Variants in NLN observed in about 807,000 individuals in gnomAD.
The protein encoded by NLN is neurolysin.
In NLN, 64 loss-of-function variants were observed where a neutral mutation model predicts 79.9. The ratio of observed to expected loss-of-function variants is 0.80; its 90% CI spans 0.65 to 0.99. NLN has a LOEUF of 0.99. NLN is among the 50% of genes least tolerant of loss of function. The probability of loss-of-function intolerance (pLI) is 0.00; values close to 1 mark genes in which losing one functional copy is unlikely to be tolerated. For synonymous variants in NLN, 267 were observed against 296.6 expected (o/e 0.90, Z 1.02); for missense variants, 835 against 858.7 (o/e 0.97, Z 0.34).
intron 9 of NLN, among the ~76,000 whole-genome samples, chr5:65,804,979 G>T (rs1252183694): frequency 1.3e-5 from 2 of 152,114 alleles, no homozygotes; most frequent in African/African-American, 4.8e-5. Context: ...ATGTCTCTAT[G>T]TCACATTTTT....
chr5:65,772,396 A>G (rs1013516006), intron 3 of NLN, among the ~76,000 whole-genome samples: 2 of 152,216 alleles, frequency 1.3e-5, no homozygotes, highest in East Asian at 3.8e-4. Context: ...ATGCAGTGTG[A>G]TGCCTCACTT....
At chr5:65,724,009 G>A (rs992228196) in intron 1 of NLN, among the ~76,000 whole-genome samples, 1 of 151,804 alleles carries the variant, frequency 6.6e-6, no homozygotes, top group South Asian at 2.1e-4. Flanking sequence ...TAGGCTAGGT[G>A]CATAAATAGT....
intron 6 of NLN, 115 bp downstream of exon 6, chr5:65,781,536 G>C (rs955942724): frequency 1.1e-5 from 8 of 748,502 alleles, no homozygotes; most frequent in South Asian, 9.5e-5. Flanking sequence ...TGTGTGCACT[G>C]TATCTCTAAT....
At chr5:65,768,790 G>A (rs1179885491) in intron 3 of NLN, among the ~76,000 whole-genome samples, 1 of 152,208 alleles carries the variant, frequency 6.6e-6, no homozygotes, top group Non-Finnish European at 1.5e-5. Flanking sequence ...AAGGCGAGGG[G>A]AGAGAGACAG....
At chr5:65,774,714 A>ATT (rs1759641993) in intron 3 of NLN, among the ~76,000 whole-genome samples, 1 of 106,650 alleles carries the variant, frequency 9.4e-6, no homozygotes, top group Non-Finnish European at 2.1e-5. Context: ...ACATATATAA[A>ATT]TTATATATAT....
intron 3 of NLN, 56 bp downstream of exon 3, chr5:65,763,164 C>A: frequency 6.9e-7 from 1 of 1,457,072 alleles, no homozygotes; most frequent in Non-Finnish European, 9.5e-7. Flanking sequence ...CAAAAAAGAA[C>A]ATTCAGTCAT....
chr5:65,819,360 A>C (rs1760744348), intron 12 of NLN, among the ~76,000 whole-genome samples: 1 of 152,174 alleles, frequency 6.6e-6, no homozygotes, highest in Non-Finnish European at 1.5e-5. Flanking sequence ...ACCTCCTCCA[A>C]CTGCCCAGAA....
rs545068593 is a variant in NLN, at chr5:65,774,450, TTCCC to T, written c.451-2974_451-2971del. Among the ~76,000 whole-genome samples the T allele has an allele frequency of 2.2e-3, 336 of 152,286 alleles. 2 individuals are homozygous for T. The highest frequency in any genetic ancestry group is 7.4e-3 in the African/African-American group (306 of 41,572). On this transcript the variant is annotated intron_variant, in intron 3 of 12. Transcript: ENST00000380985. The stretch of plus-strand genomic sequence containing the variant: ...AAGACAGTCTAGAAGTGTTGGCTGA[TTCCC>T]TCTTAGAAAATCCTTGGGCAGTAAT...
intron 2 of NLN, among the ~76,000 whole-genome samples, chr5:65,762,374 G>A (rs2150747966): frequency 6.6e-6 from 1 of 152,170 alleles, no homozygotes; most frequent in East Asian, 1.9e-4. Context: ...TTCTCTTCCT[G>A]CATTGCCAGT....
intron 1 of NLN, among the ~76,000 whole-genome samples, chr5:65,753,434 C>T (rs575006516): frequency 2.6e-5 from 4 of 152,012 alleles, no homozygotes; most frequent in Non-Finnish European, 4.4e-5. Context: ...GGATCACTTC[C>T]GGTTAGTAGT....
chr5:65,821,371 G>A (rs1250469559), intron 12 of NLN, among the ~76,000 whole-genome samples: 1 of 152,194 alleles, frequency 6.6e-6, no homozygotes, highest in Non-Finnish European at 1.5e-5. Context: ...CGCTTGAAAT[G>A]AGGCTAAGTA....
intron 12 of NLN, among the ~76,000 whole-genome samples, chr5:65,819,142 G>C (rs1561215842): frequency 6.6e-6 from 1 of 151,992 alleles, no homozygotes. Flanking sequence ...CCTTTCTTTA[G>C]CTTTATTAGG....
intron 1 of NLN, among the ~76,000 whole-genome samples, chr5:65,758,073 T>A (rs1251068414): frequency 6.6e-6 from 1 of 152,022 alleles, no homozygotes; most frequent in South Asian, 2.1e-4. Context: ...TCTCTACAAA[T>A]AATTTTTAAA....
intron 1 of NLN, among the ~76,000 whole-genome samples, chr5:65,743,265 A>C (rs1245246873): frequency 6.6e-6 from 1 of 152,232 alleles, no homozygotes; most frequent in Non-Finnish European, 1.5e-5. Flanking sequence ...ATTGGGGATT[A>C]ATTTATAAAC....
At chr5:65,725,700 G>C (rs1758452781) in intron 1 of NLN, among the ~76,000 whole-genome samples, 1 of 152,132 alleles carries the variant, frequency 6.6e-6, no homozygotes, top group Non-Finnish European at 1.5e-5. Flanking sequence ...AACACAAACT[G>C]TCAGTTGTTT....
rs201670063 is a variant in NLN, at chr5:65,792,578, C to T, written c.1450C>T (p.Pro484Ser). The T allele has an allele frequency of 1.8e-5, 29 of 1,613,942 alleles. No individual in the cohort carries two copies. The East Asian group carries it at 6.0e-4, about 33-fold the overall frequency. Residue 484 changes from proline to serine, a missense_variant, in exon 9 of 13, where the codon CCC becomes TCC. By Grantham distance (74) the Pro-to-Ser change is moderately conservative. Coordinates refer to ENST00000380985, the MANE Select transcript of NLN (RefSeq NM_020726.5). ...VNFSQPVAGR[P>S]SLLRHDEVRT... Reference sequence around the variant, plus strand: ...CTTCTCACAGCCAGTGGCAGGTCGTCCCTCTCTCCTGAGACACGACGAGGT... The same window carrying T: ...CTTCTCACAGCCAGTGGCAGGTCGTTCCTCTCTCCTGAGACACGACGAGGT...
chr5:65,812,141 G>T (rs1224698950), intron 11 of NLN, 114 bp from the exon 12 acceptor site: 2 of 824,158 alleles, frequency 2.4e-6, no homozygotes, highest in South Asian at 1.4e-5. Context: ...GTGAGATCAT[G>T]TCATTCATTC....
chr5:65,814,606 C>G (rs1203917773), intron 12 of NLN, among the ~76,000 whole-genome samples: 1 of 152,110 alleles, frequency 6.6e-6, no homozygotes, highest in Non-Finnish European at 1.5e-5. Context: ...AAGCCTTCCC[C>G]GTCACCTCCT....
intron 9 of NLN, 107 bp from the exon 10 acceptor site, chr5:65,809,408 C>G (rs1047993644): frequency 2.4e-6 from 2 of 850,380 alleles, no homozygotes; most frequent in Non-Finnish European, 3.7e-6. Context: ...TTCAGAGGAA[C>G]AGTTGAGTCT....
Sources: allele counts gnomAD v4.1 joint callset (sites outside exome capture counted in the v4.1 genomes callset), GRCh38; gene constraint gnomAD v4.1.1; transcripts MANE v1.5; gene names NCBI Gene and HGNC (gene_info 2026-07-23, HGNC 2026-07-21).